Variants in YWHAZ observed in about 807,000 individuals in gnomAD.
The protein encoded by YWHAZ is 14-3-3 protein zeta/delta.
For missense variants in YWHAZ, 79 were observed against 284.8 expected (o/e 0.28, Z 5.20); for synonymous variants, 87 against 103.6 (o/e 0.84, Z 0.97).
upstream of YWHAZ, chr8:100,952,706 G>A (rs1810892443): frequency 2.4e-6 from 2 of 837,474 alleles, no homozygotes; most frequent in Non-Finnish European, 1.5e-6. Context: ...GGGGCCCCGG[G>A]GCGGGGGCAG....
intron 2 of YWHAZ, among the ~76,000 whole-genome samples, chr8:100,947,716 T>C (rs1810408141): frequency 6.6e-6 from 1 of 152,340 alleles, no homozygotes; most frequent in East Asian, 1.9e-4. Context: ...TGGATTTCCA[T>C]ACTGAGTTCC....
At chr8:100,935,110 T>C (rs1011322900) in intron 2 of YWHAZ, 1 of 152,182 alleles carries the variant, frequency 6.6e-6, no homozygotes. Flanking sequence ...TGAGCCGACA[T>C]TGTGCCACTG....
chr8:100,920,797 G>GC (rs752681104), intron 5 of YWHAZ, 45 bp from the exon 6 acceptor site: 3 of 841,434 alleles, frequency 3.6e-6, no homozygotes, highest in South Asian at 1.9e-5. Flanking sequence ...CAGTGGGATG[G>GC]GGGGGGGGGG....
At chr8:100,945,870 C>A (rs1360782550) in intron 2 of YWHAZ, among the ~76,000 whole-genome samples, 3 of 151,872 alleles carry the variant, frequency 2.0e-5, no homozygotes, top group Admixed American at 1.3e-4. Context: ...TCTAAAGAAG[C>A]CTTTCTGCTT....
chr8:100,925,966 C>T (rs540053572), intron 2 of YWHAZ, among the ~76,000 whole-genome samples: 3 of 152,164 alleles, frequency 2.0e-5, no homozygotes, highest in South Asian at 2.1e-4. Context: ...TCTCACTACC[C>T]CACTTCCTTT....
intron 1 of YWHAZ, among the ~76,000 whole-genome samples, chr8:100,949,318 T>C (rs1276541421): frequency 2.6e-5 from 4 of 152,228 alleles, no homozygotes; most frequent in African/African-American, 9.7e-5. Flanking sequence ...AACATCTGGA[T>C]TTCTATCATA....
intron 2 of YWHAZ, among the ~76,000 whole-genome samples, chr8:100,940,738 A>C (rs1044723219): frequency 2.6e-5 from 4 of 152,240 alleles, no homozygotes; most frequent in Non-Finnish European, 5.9e-5. Context: ...CTAGAGGTAG[A>C]TAGTATTATT....
chr8:100,949,371 C>A (rs989373758), intron 1 of YWHAZ, among the ~76,000 whole-genome samples: 11 of 151,898 alleles, frequency 7.2e-5, no homozygotes, highest in Non-Finnish European at 1.6e-4. Flanking sequence ...TAACTCACGT[C>A]TTTTTACTTT....
chr8:100,940,082 G>C (rs575818629), intron 2 of YWHAZ, among the ~76,000 whole-genome samples: 208 of 139,062 alleles, frequency 1.5e-3, no homozygotes, highest in Non-Finnish European at 1.9e-3. Flanking sequence ...AAAAAAAAGT[G>C]AAACACTAAC....
At chr8:100,930,322 C>T (rs1292865946) in intron 2 of YWHAZ, among the ~76,000 whole-genome samples, 3 of 152,218 alleles carry the variant, frequency 2.0e-5, no homozygotes, top group African/African-American at 4.8e-5. Context: ...TAGTCTTGAA[C>T]TCCTGACCTC....
rs1288689604 is a variant in YWHAZ, at chr8:100,919,156, C to G, written c.*1537G>C. 1 of 152,278 alleles carries G rather than the reference C, an allele frequency of 6.6e-6. No individual in the cohort carries two copies. Among genetic ancestry groups the G allele is most frequent in the Non-Finnish European group, 1.5e-5 (1 of 68,040 alleles). The allele number at this position is 152,278 out of a possible 1,614,324, so 9.4% of individuals were successfully genotyped here. A position where few individuals can be genotyped will look rare whatever the true frequency, so the allele number is the denominator to read the frequency against. On this transcript the variant is annotated 3_prime_UTR_variant, in exon 6 of 6. Transcript: ENST00000395958. ...CCAGAAAGATCATGCGGCCTTTTTC[C>G]AAGTACATGGCCACCAAGTAAGAAT...
At chr8:100,952,937 G>A (rs1268247304), upstream of YWHAZ, 42 of 1,000,482 alleles carry the variant, frequency 4.2e-5, no homozygotes, top group Non-Finnish European at 4.9e-5. Flanking sequence ...CTGAGTGATG[G>A]GGAGGCGTTC....
intron 2 of YWHAZ, among the ~76,000 whole-genome samples, chr8:100,937,496 G>C (rs1409120268): frequency 1.3e-5 from 2 of 152,068 alleles, no homozygotes; most frequent in Non-Finnish European, 2.9e-5. Context: ...TTAGCAAATA[G>C]CAAATCCCCC....
At chr8:100,952,191 C>G, upstream of YWHAZ, 1 of 982,596 alleles carries the variant, frequency 1.0e-6, no homozygotes, top group Non-Finnish European at 1.2e-6. Context: ...CGCTCCCCGG[C>G]GCTCGTCCTG....
At chr8:100,925,654 T>C (rs190678185) in intron 2 of YWHAZ, among the ~76,000 whole-genome samples, 32 of 152,352 alleles carry the variant, frequency 2.1e-4, no homozygotes, top group African/African-American at 5.8e-4. Context: ...TTTAATCTCA[T>C]TGAAGTCATT....
intron 2 of YWHAZ, among the ~76,000 whole-genome samples, chr8:100,935,781 G>A (rs959507310): frequency 6.6e-6 from 1 of 152,126 alleles, no homozygotes; most frequent in African/African-American, 2.4e-5. Flanking sequence ...AGGCAAGACA[G>A]GCATTTCAAA....
chr8:100,936,820 A>G (rs1814179974), intron 2 of YWHAZ, among the ~76,000 whole-genome samples: 1 of 152,082 alleles, frequency 6.6e-6, no homozygotes, highest in African/African-American at 2.4e-5. Context: ...AAACAAACAA[A>G]CAAAAAGGAT....
At chr8:100,943,113 G>A (rs571975369) in intron 2 of YWHAZ, among the ~76,000 whole-genome samples, 1 of 152,180 alleles carries the variant, frequency 6.6e-6, no homozygotes, top group African/African-American at 2.4e-5. Flanking sequence ...ATTAAGTCTA[G>A]AAAACATGCT....
chr8:100,930,657 C>T (rs958350248), intron 2 of YWHAZ, among the ~76,000 whole-genome samples: 6 of 152,034 alleles, frequency 3.9e-5, no homozygotes, highest in Admixed American at 3.3e-4. Context: ...TTTTTCCCTC[C>T]CATTAATTTT....
Sources: gnomAD v4.1 joint callset for allele counts (sites outside exome capture counted in the v4.1 genomes callset) on GRCh38, gnomAD v4.1.1 for gene constraint, MANE v1.5 for transcripts, NCBI Gene and HGNC (gene_info 2026-07-23, HGNC 2026-07-21) for gene names.